Variants in SLIT2 observed in about 807,000 individuals in gnomAD.
SLIT2 encodes slit guidance ligand 2.
SLIT2 carries 41 observed loss-of-function variants against 185.7 expected under a neutral mutation model. The observed-to-expected ratio is 0.22, with a 90% CI of 0.17 to 0.29. SLIT2 has a LOEUF of 0.29. SLIT2 is among the 10% of genes least tolerant of loss of function. The probability of loss-of-function intolerance (pLI) is 1.00; values close to 1 mark genes in which losing one functional copy is unlikely to be tolerated. For missense variants in SLIT2, 1,571 were observed against 1,909.0 expected (o/e 0.82, Z 3.30); for synonymous variants, 693 against 680.2 (o/e 1.02, Z -0.29).
intron 4 of SLIT2, among the ~76,000 whole-genome samples, chr4:20,295,755 A>T (rs1189355634): frequency 6.6e-6 from 1 of 152,232 alleles, no homozygotes; most frequent in Non-Finnish European, 1.5e-5. Context: ...TATTTAAAAA[A>T]TTTAAAATTG....
intron 4 of SLIT2, among the ~76,000 whole-genome samples, chr4:20,328,523 G>A (rs1252570998): frequency 6.6e-6 from 1 of 151,802 alleles, no homozygotes; most frequent in Non-Finnish European, 1.5e-5. Flanking sequence ...CTAATTTGTA[G>A]TCTTTATCTA....
intron 4 of SLIT2, among the ~76,000 whole-genome samples, chr4:20,424,602 G>C (rs1329312936): frequency 1.3e-5 from 2 of 151,982 alleles, no homozygotes; most frequent in African/African-American, 4.8e-5. Context: ...CAGAAATCTA[G>C]CATGATTCCA....
intron 4 of SLIT2, among the ~76,000 whole-genome samples, chr4:20,319,188 G>C (rs1467638917): frequency 2.0e-5 from 3 of 152,152 alleles, no homozygotes; most frequent in Non-Finnish European, 2.9e-5. Flanking sequence ...CATAGAATTA[G>C]ATACAGTCCT....
At chr4:20,309,005 A>G (rs942341501) in intron 4 of SLIT2, among the ~76,000 whole-genome samples, 2 of 152,048 alleles carry the variant, frequency 1.3e-5, no homozygotes, top group African/African-American at 4.8e-5. Context: ...GCCATTCCTA[A>G]GGTATTTTAG....
chr4:20,489,066 T>G (rs2148793447), intron 8 of SLIT2, 84 bp downstream of exon 8: 1 of 1,074,720 alleles, frequency 9.3e-7, no homozygotes, highest in East Asian at 2.4e-5. Context: ...CGTCAAAGGT[T>G]TCAGTATTGT....
chr4:20,325,215 G>T (rs1719464126), intron 4 of SLIT2, among the ~76,000 whole-genome samples: 1 of 151,522 alleles, frequency 6.6e-6, no homozygotes, highest in Admixed American at 6.6e-5. Context: ...CTTTCAAACT[G>T]CTCTCAAGTT....
chr4:20,287,375 T>G (rs1486308896), intron 4 of SLIT2, among the ~76,000 whole-genome samples: 3 of 152,026 alleles, frequency 2.0e-5, no homozygotes, highest in Non-Finnish European at 2.9e-5. Context: ...CAGTGGAGAG[T>G]CTAGCAGAGA....
At chr4:20,284,083 G>GGTGT in intron 4 of SLIT2, among the ~76,000 whole-genome samples, 1 of 152,156 alleles carries the variant, frequency 6.6e-6, no homozygotes, top group African/African-American at 2.4e-5. Flanking sequence ...CCAACAACCT[G>GGTGT]CCAGAATTGG....
rs1722135251 is a variant in SLIT2 at position 20,252,679 on chromosome 4, A to G, written c.-1137A>G. ...GCCGCGGAGCTGCGGCTTATCTGGG[A>G]GACGAGCGGGGTTGACACGCGCGCA... is the stretch of plus-strand genomic sequence containing the variant. On this transcript the variant is annotated 5_prime_UTR_variant, in exon 1 of 37. Coordinates refer to ENST00000504154, the MANE Select transcript of SLIT2 (RefSeq NM_004787.4). Among the ~76,000 whole-genome samples, 1 of 152,130 alleles carries G rather than the reference A, an allele frequency of 6.6e-6. No individual in the cohort carries two copies. The highest frequency in any genetic ancestry group is 1.5e-5 in the Non-Finnish European group (1 of 68,034).
intron 6 of SLIT2, 53 bp from the exon 7 acceptor site, chr4:20,486,147 T>C: frequency 9.2e-7 from 1 of 1,085,560 alleles, no homozygotes; most frequent in South Asian, 1.3e-5. Flanking sequence ...ATATATAAAA[T>C]GATCAATCAA....
intron 4 of SLIT2, among the ~76,000 whole-genome samples, chr4:20,437,226 T>C (rs1361601259): frequency 6.6e-6 from 1 of 152,156 alleles, no homozygotes; most frequent in Non-Finnish European, 1.5e-5. Flanking sequence ...CATCTTAACA[T>C]GTGCAAAACT....
chr4:20,327,539 A>G (rs1280517105), intron 4 of SLIT2, among the ~76,000 whole-genome samples: 1 of 152,020 alleles, frequency 6.6e-6, no homozygotes, highest in Admixed American at 6.6e-5. Context: ...CCTTCTTTTA[A>G]TAATTGGCAA....
chr4:20,498,490 T>C (rs1389388580), intron 9 of SLIT2, among the ~76,000 whole-genome samples: 1 of 152,244 alleles, frequency 6.6e-6, no homozygotes, highest in Non-Finnish European at 1.5e-5. Flanking sequence ...TTTTGAGGTA[T>C]ACAATTTTGA....
At chr4:20,425,090 T>C (rs1190280362) in intron 4 of SLIT2, among the ~76,000 whole-genome samples, 1 of 152,178 alleles carries the variant, frequency 6.6e-6, no homozygotes, top group African/African-American at 2.4e-5. Flanking sequence ...TTGAAGTTTA[T>C]TATGAGTGCT....
chr4:20,488,770 A>G (rs1252253307), intron 7 of SLIT2, 49 bp from the exon 8 acceptor site: 1 of 1,419,390 alleles, frequency 7.0e-7, no homozygotes, highest in Admixed American at 2.0e-5. Context: ...TATTAATGAA[A>G]TAACGACTTT....
chr4:20,472,258 C>CTATAGATCTA (rs1715163913), intron 5 of SLIT2, among the ~76,000 whole-genome samples: 2 of 31,246 alleles, frequency 6.4e-5, no homozygotes, highest in African/African-American at 1.5e-4. Context: ...ATATATAGAT[C>CTATAGATCTA]TATATATAGA....
At chr4:20,256,632 G>C (rs753230395) in intron 1 of SLIT2, 40 bp from the exon 2 acceptor site, 51 of 1,038,700 alleles carry the variant, frequency 4.9e-5, no homozygotes, top group Non-Finnish European at 2.8e-5. Flanking sequence ...GGTAAACATA[G>C]AAATAAAATG....
At chr4:20,570,342 G>C (rs923964425) in intron 29 of SLIT2, among the ~76,000 whole-genome samples, 1 of 151,846 alleles carries the variant, frequency 6.6e-6, no homozygotes, top group Non-Finnish European at 1.5e-5. Flanking sequence ...TATTCAACAT[G>C]CACCTTTCTA....
chr4:20,406,140 A>C (rs920966711), intron 4 of SLIT2, among the ~76,000 whole-genome samples: 1 of 144,158 alleles, frequency 6.9e-6, no homozygotes, highest in Non-Finnish European at 1.5e-5. Context: ...TCTTTATCTC[A>C]GACCTACAAA....
Sources: gnomAD v4.1 joint callset for allele counts (sites outside exome capture counted in the v4.1 genomes callset) on GRCh38, gnomAD v4.1.1 for gene constraint, MANE v1.5 for transcripts, NCBI Gene and HGNC (gene_info 2026-07-23, HGNC 2026-07-21) for gene names.